DACH1: variants seen among roughly 807,000 people sequenced by gnomAD.
The protein encoded by DACH1 is dachshund homolog 1.
Under a neutral mutation model 54.2 loss-of-function variants are expected in DACH1, and 12 were observed. The observed-to-expected ratio is 0.22, with a 90% confidence interval of 0.14 to 0.36. The LOEUF is 0.36. DACH1 is among the 10% of genes least tolerant of loss of function. DACH1 has a pLI of 1.00. For synonymous variants in DACH1, 386 were observed against 366.2 expected (o/e 1.05, Z -0.62); for missense variants, 805 against 929.8 (o/e 0.87, Z 1.75).
At chr13:71,718,636 G>C (rs1364162312) in intron 1 of DACH1, among the ~76,000 whole-genome samples, 1 of 151,366 alleles carries the variant, frequency 6.6e-6, no homozygotes, top group Non-Finnish European at 1.5e-5. Flanking sequence ...CAATGTTCAG[G>C]TAGAGCTAGA....
At chr13:71,838,472 T>C (rs973158385) in intron 1 of DACH1, among the ~76,000 whole-genome samples, 2 of 152,214 alleles carry the variant, frequency 1.3e-5, no homozygotes, top group African/African-American at 4.8e-5. Context: ...GAATTTTTAT[T>C]ACATACAGAC....
At chr13:71,704,596 A>G (rs547673487) in intron 1 of DACH1, 13 of 463,806 alleles carry the variant, frequency 2.8e-5, no homozygotes, top group South Asian at 1.6e-4. Flanking sequence ...ACACTTTATG[A>G]GAACCCATGG....
At chr13:71,590,253 T>A (rs1369713229) in intron 3 of DACH1, among the ~76,000 whole-genome samples, 17 of 152,234 alleles carry the variant, frequency 1.1e-4, no homozygotes, top group Non-Finnish European at 2.4e-4. Context: ...CTCTATATCA[T>A]GAATCTAAGA....
At chr13:71,690,189 A>C (rs1881402926) in intron 1 of DACH1, among the ~76,000 whole-genome samples, 1 of 152,172 alleles carries the variant, frequency 6.6e-6, no homozygotes, top group Non-Finnish European at 1.5e-5. Context: ...AATACAGAGG[A>C]ATATTTTGTG....
chr13:71,692,267 T>C (rs1881523003), intron 1 of DACH1, among the ~76,000 whole-genome samples: 1 of 152,090 alleles, frequency 6.6e-6, no homozygotes, highest in Non-Finnish European at 1.5e-5. Flanking sequence ...TTGAAATAGT[T>C]TTCATTTCCC....
chr13:71,776,010 TA>T (rs1886048519), intron 1 of DACH1, among the ~76,000 whole-genome samples: 1 of 152,132 alleles, frequency 6.6e-6, no homozygotes, highest in African/African-American at 2.4e-5. Flanking sequence ...TCAATTTCCA[TA>T]AAAGTTAATT....
intron 6 of DACH1, among the ~76,000 whole-genome samples, chr13:71,510,763 A>G (rs985172423): frequency 6.6e-6 from 1 of 151,952 alleles, no homozygotes. Context: ...GCAATGTTTT[A>G]TCTCATTTAT....
At chr13:71,476,231 A>C (rs929748978) in intron 8 of DACH1, among the ~76,000 whole-genome samples, 54 of 152,214 alleles carry the variant, frequency 3.5e-4, no homozygotes, top group Non-Finnish European at 4.9e-4. Context: ...TGGATAGTGC[A>C]AACGCTTATA....
Position 71,709,633 on chromosome 13 carries a change from G to A in DACH1, c.849-27723C>T, listed in dbSNP as rs116785982. On this transcript the variant is annotated intron_variant, in intron 1 of 10. Transcript: ENST00000613252. ...CCAGAGTAGTGATGCTGGCATATTG[G>A]TATAATTGCTCTATTTCATTATCAG... Among the ~76,000 whole-genome samples, 616 of 152,236 alleles carry A rather than the reference G, an allele frequency of 4.0e-3. 2 individuals are homozygous for A. Among genetic ancestry groups the A allele is most frequent in the African/African-American group, 0.014 (581 of 41,532 alleles).
intron 4 of DACH1, among the ~76,000 whole-genome samples, chr13:71,572,086 A>C (rs770145368): frequency 3.4e-4 from 52 of 152,312 alleles, no homozygotes; most frequent in Non-Finnish European, 6.3e-4. Context: ...CATGCAGCAT[A>C]AAATATCTTG....
intron 3 of DACH1, among the ~76,000 whole-genome samples, chr13:71,600,770 A>G (rs1874431626): frequency 6.6e-6 from 1 of 152,080 alleles, no homozygotes; most frequent in Admixed American, 6.6e-5. Context: ...TCAAGTTTAT[A>G]TTTTAAAAAA....
chr13:71,754,584 C>G (rs1003550522), intron 1 of DACH1, among the ~76,000 whole-genome samples: 2 of 152,156 alleles, frequency 1.3e-5, no homozygotes, highest in African/African-American at 4.8e-5. Flanking sequence ...CAACAGCTGT[C>G]AGACTTTAGT....
At chr13:71,519,638 C>A (rs1013173241) in intron 6 of DACH1, among the ~76,000 whole-genome samples, 3 of 151,062 alleles carry the variant, frequency 2.0e-5, no homozygotes, top group East Asian at 2.0e-4. Flanking sequence ...ATGTTTTCAA[C>A]CATTATGCTC....
chr13:71,613,815 C>A (rs1298790998), intron 3 of DACH1, among the ~76,000 whole-genome samples: 1 of 152,082 alleles, frequency 6.6e-6, no homozygotes, highest in Non-Finnish European at 1.5e-5. Flanking sequence ...CCTGGGCTCA[C>A]ACAATTCTAT....
At chr13:71,651,833 C>T (rs569241794) in intron 2 of DACH1, among the ~76,000 whole-genome samples, 83 of 152,184 alleles carry the variant, frequency 5.5e-4, no homozygotes, top group Admixed American at 3.9e-3. Flanking sequence ...TGTATTTGTA[C>T]TAGTATCTCA....
chr13:71,494,869 T>G (rs976841308), intron 6 of DACH1, among the ~76,000 whole-genome samples: 3 of 152,120 alleles, frequency 2.0e-5, no homozygotes, highest in African/African-American at 7.2e-5. Flanking sequence ...GTAAGATTGA[T>G]GCCTCTGTAA....
chr13:71,784,203 T>C (rs1387481199), intron 1 of DACH1, among the ~76,000 whole-genome samples: 1 of 152,084 alleles, frequency 6.6e-6, no homozygotes, highest in Non-Finnish European at 1.5e-5. Context: ...TGCACTGTTT[T>C]CCAGTCTTTT....
At chr13:71,544,587 C>T (rs1883341812) in intron 6 of DACH1, among the ~76,000 whole-genome samples, 1 of 152,076 alleles carries the variant, frequency 6.6e-6, no homozygotes, top group Non-Finnish European at 1.5e-5. Context: ...TGCAAAACTT[C>T]CCTATGTCCT....
At chr13:71,569,685 A>G (rs1885089205) in intron 4 of DACH1, among the ~76,000 whole-genome samples, 1 of 152,036 alleles carries the variant, frequency 6.6e-6, no homozygotes, top group African/African-American at 2.4e-5. Flanking sequence ...AAAATATATA[A>G]CTCTGAAAGC....
Sources: gnomAD v4.1 joint callset for allele counts (sites outside exome capture counted in the v4.1 genomes callset) on GRCh38, gnomAD v4.1.1 for gene constraint, MANE v1.5 for transcripts, NCBI Gene and HGNC (gene_info 2026-07-23, HGNC 2026-07-21) for gene names.